PKHD1L1: variants seen among roughly 807,000 people sequenced by gnomAD.
The protein encoded by PKHD1L1 is fibrocystin-L.
Under a neutral mutation model 462.9 loss-of-function variants are expected in PKHD1L1, and 434 were observed. The ratio of observed to expected loss-of-function variants is 0.94; its 90% CI spans 0.87 to 1.02. The LOEUF is 1.02. PKHD1L1 is among the 50% of genes least tolerant of loss of function. The pLI, the probability that PKHD1L1 is intolerant of heterozygous loss-of-function variation, is 0.00. For missense variants in PKHD1L1, 5,202 were observed against 5,096.1 expected, an observed-to-expected ratio of 1.02 and a Z score of -0.63; for synonymous variants, 1,781 against 1,750.0, an observed-to-expected ratio of 1.02 and a Z score of -0.44.
Position 109,449,366 on chromosome 8 carries a change from T to A in PKHD1L1, c.6054T>A (p.Thr2018=). The A allele has an allele frequency of 6.3e-7, 1 of 1,579,712 alleles. No individual in the cohort carries two copies. Among genetic ancestry groups the A allele is most frequent in the South Asian group, 1.2e-5 (1 of 86,206 alleles). The change falls in exon 40 of 78, where the codon ACT becomes ACA. Residue 2018 remains threonine (T), a synonymous_variant. Coordinates refer to ENST00000378402, the MANE Select transcript of PKHD1L1 (RefSeq NM_177531.6). ...GCTTTGGTGGGGGTCAAACCATGAC[T>A]GTGACAGGCACCGGATTTAATCCAC... ...QGSFGGGQTM[T]VTGTGFNPQN... is the part of the protein sequence containing the mutation.
At chr8:109,485,759 T>C (rs1818492977) in intron 58 of PKHD1L1, among the ~76,000 whole-genome samples, 1 of 151,886 alleles carries the variant, frequency 6.6e-6, no homozygotes, top group East Asian at 1.9e-4. Context: ...ATGATGCTCA[T>C]GGGAACTCCA....
intron 14 of PKHD1L1, among the ~76,000 whole-genome samples, chr8:109,401,931 A>G (rs1163851633): frequency 2.0e-5 from 3 of 152,128 alleles, no homozygotes; most frequent in Non-Finnish European, 4.4e-5. Context: ...CAGTATTGCT[A>G]GGGAAAAATC....
intron 16 of PKHD1L1, among the ~76,000 whole-genome samples, 191 bp from the exon 17 acceptor site, chr8:109,406,144 A>G (rs1813523743): frequency 6.6e-6 from 1 of 152,182 alleles, no homozygotes; most frequent in Non-Finnish European, 1.5e-5. Flanking sequence ...AGAGATCACA[A>G]ATTAATTAAA....
chr8:109,428,292 C>T (rs1353622597), intron 25 of PKHD1L1, among the ~76,000 whole-genome samples: 3 of 152,056 alleles, frequency 2.0e-5, no homozygotes, highest in Non-Finnish European at 2.9e-5. Context: ...ACCTAGAAAC[C>T]TAAATCCCCA....
At chr8:109,524,989 C>G (rs1306866975) in intron 76 of PKHD1L1, among the ~76,000 whole-genome samples, 1 of 152,106 alleles carries the variant, frequency 6.6e-6, no homozygotes, top group Non-Finnish European at 1.5e-5. Context: ...GTATAGGAAT[C>G]TCTTCATTAT....
chr8:109,461,149 T>G (rs1351733022), intron 47 of PKHD1L1, among the ~76,000 whole-genome samples: 1 of 152,214 alleles, frequency 6.6e-6, no homozygotes, highest in Non-Finnish European at 1.5e-5. Context: ...AAATTTTTTA[T>G]GTAATCATTC....
At chr8:109,502,599 T>C (rs1478154315) in intron 67 of PKHD1L1, among the ~76,000 whole-genome samples, 1 of 152,208 alleles carries the variant, frequency 6.6e-6, no homozygotes, top group Non-Finnish European at 1.5e-5. Flanking sequence ...GTTGTAAGGT[T>C]CCTCTGATCT....
At chr8:109,481,261 C>T (rs1045138622) in intron 55 of PKHD1L1, among the ~76,000 whole-genome samples, 172 bp from the exon 56 acceptor site, 24 of 151,860 alleles carry the variant, frequency 1.6e-4, no homozygotes, top group African/African-American at 5.8e-4. Flanking sequence ...ATCATTTAAA[C>T]TGCTTATCCA....
In PKHD1L1 at chr8:109,523,339, T is replaced by C; in HGVS notation, c.12437T>C (p.Phe4146Ser). The C allele has an allele frequency of 6.2e-7, 1 of 1,613,446 alleles. No individual in the cohort carries two copies. Among genetic ancestry groups the C allele is most frequent in the Non-Finnish European group, 8.5e-7 (1 of 1,179,544 alleles). Reference sequence around the variant, plus strand: ...CTTAGTGGAAATACAACAATTCCGTTTAGCAGCTGTTGGGCCAACTACACA... The same window carrying C: ...CTTAGTGGAAATACAACAATTCCGTCTAGCAGCTGTTGGGCCAACTACACA... ...NGLSGNTTIP[F>S]SSCWANYTDL... Residue 4146 changes from phenylalanine to serine, a missense_variant, in exon 76 of 78, where the codon TTT (phenylalanine) becomes TCT (serine). Phe to Ser is a radical substitution (Grantham distance 155). This residue lies in a region of PKHD1L1 where 698 missense variants were observed against 736.3 expected (regional missense o/e 0.95). Transcript: ENST00000378402.
Position 109,465,000 on chromosome 8 carries a change from G to T in PKHD1L1, c.8168G>T (p.Cys2723Phe). The T allele has an allele frequency of 6.2e-7, 1 of 1,613,796 alleles. No homozygotes were observed. Among genetic ancestry groups the T allele is most frequent in the South Asian group, 1.1e-5 (1 of 91,080 alleles). ...LDELGMGSAF[C>F]TAKGLVLPFS... ...GAACTGGGAATGGGGTCTGCATTTT[G>T]CACAGCAAAAGGCCTGGTTCTCCCA... Residue 2723 changes from cysteine to phenylalanine, a missense_variant, in exon 49 of 78, where the codon TGC becomes TTC. Transcript: ENST00000378402.
At chr8:109,500,464 C>T (rs1819342203) in intron 67 of PKHD1L1, among the ~76,000 whole-genome samples, 1 of 140,354 alleles carries the variant, frequency 7.1e-6, no homozygotes, top group Non-Finnish European at 1.5e-5. Context: ...ATCATGAGGT[C>T]AGGAGTTCAA....
At chr8:109,444,071 G>T (rs1815973047) in intron 37 of PKHD1L1, among the ~76,000 whole-genome samples, 169 bp downstream of exon 37, 4 of 151,810 alleles carry the variant, frequency 2.6e-5, no homozygotes, top group Admixed American at 2.6e-4. Flanking sequence ...TAGGCCCAGA[G>T]TTGGCATTCA....
At position 109,534,908 on chromosome 8, in the gene PKHD1L1, G is replaced by GTT. The variant is rs145885682; in HGVS notation, c.*4827_*4828dup. Among the ~76,000 whole-genome samples the GTT allele has an allele frequency of 4.7e-4, 71 of 149,506 alleles. No homozygotes were observed. Among genetic ancestry groups the GTT allele is most frequent in the East Asian group, 3.9e-3 (20 of 5,128 alleles). On this transcript the variant is annotated 3_prime_UTR_variant, in exon 78 of 78. Transcript: ENST00000378402. Reference sequence around the variant, plus strand: ...ACCCATGAATGTGACTTTATTAGAGGTTTTTTTTTTAGGTTAAGGACTATG... The same window carrying GTT: ...ACCCATGAATGTGACTTTATTAGAGGTTTTTTTTTTTTAGGTTAAGGACTATG...
intron 70 of PKHD1L1, among the ~76,000 whole-genome samples, chr8:109,509,780 A>T (rs1334145251): frequency 2.0e-5 from 3 of 152,090 alleles, no homozygotes; most frequent in Non-Finnish European, 4.4e-5. Flanking sequence ...GTTAGGCAAT[A>T]CATGAACTTT....
chr8:109,422,357 C>A (rs1168427959), intron 23 of PKHD1L1, among the ~76,000 whole-genome samples: 1 of 152,166 alleles, frequency 6.6e-6, no homozygotes, highest in South Asian at 2.1e-4. Flanking sequence ...TCACAGCCAT[C>A]TCCCTCGTTC....
At chr8:109,422,931 T>A (rs369281845) in intron 23 of PKHD1L1, among the ~76,000 whole-genome samples, 1 of 152,164 alleles carries the variant, frequency 6.6e-6, no homozygotes, top group Admixed American at 6.5e-5. Context: ...GTAACGATGG[T>A]TCATTTTCAT....
chr8:109,444,970 A>T lies in PKHD1L1; in HGVS notation c.5101A>T (p.Lys1701Ter). 7.4e-6 allele frequency: 12 copies of T among 1,613,986 alleles called. No individual in the cohort carries two copies. Among genetic ancestry groups the T allele is most frequent in the Non-Finnish European group, 1.0e-5 (12 of 1,179,878 alleles). The change falls in exon 38 of 78, where the codon AAA becomes TAA. Residue 1701 changes from lysine (K) to a stop codon, truncating the protein, a stop_gained. Coordinates refer to ENST00000378402, the MANE Select transcript of PKHD1L1 (RefSeq NM_177531.6). LOFTEE classifies it high-confidence loss of function. Reference protein sequence around the residue: ...VKVLMGHFPCKVLSVNYTAIE... With the variant: ...VKVLMGHFPC ...AGTCCTTATGGGTCATTTCCCATGT[A>T]AAGTTCTATCAGTGAATTATACGGC...
At position 109,477,375 on chromosome 8, in the gene PKHD1L1, A is replaced by T; in HGVS notation, c.9068A>T (p.Lys3023Met). ...CCGCCATCAAGAAAACCAATTCCCA[A>T]GAAGCGACCAGCCACATATAAGTAC... ...VHPPSRKPIP[K>M]KRPATYNLWS... is the part of the protein sequence containing the mutation. The change falls in exon 53 of 78, where the codon AAG (lysine) becomes ATG (methionine). Residue 3023 changes from lysine to methionine, a missense_variant. Physicochemically the swap from Lys to Met is moderately conservative, Grantham distance 95 (BLOSUM62 -1). Coordinates refer to ENST00000378402, the MANE Select transcript of PKHD1L1 (RefSeq NM_177531.6). 1 of 1,613,288 alleles carries T rather than the reference A, an allele frequency of 6.2e-7. No individual in the cohort carries two copies. Among genetic ancestry groups the T allele is most frequent in the Non-Finnish European group, 8.5e-7 (1 of 1,179,526 alleles).
chr8:109,523,186 G>A (rs1013837029), intron 75 of PKHD1L1, 47 bp from the exon 76 acceptor site: 5 of 1,485,134 alleles, frequency 3.4e-6, no homozygotes, highest in Admixed American at 2.1e-5. Flanking sequence ...TTAAAAGCAT[G>A]GAAACAGGAC....
Sources: allele counts gnomAD v4.1 joint callset (sites outside exome capture counted in the v4.1 genomes callset), GRCh38; gene constraint gnomAD v4.1.1; regional missense constraint gnomAD v4.1.1; transcripts MANE v1.5; gene names NCBI Gene and HGNC (gene_info 2026-07-23, HGNC 2026-07-21).